The following HSPA9 variants were observed in gnomAD, a reference collection of about 807,000 sequenced individuals.
The protein encoded by HSPA9 is stress-70 protein, mitochondrial.
In HSPA9, 28 loss-of-function variants were observed where a neutral mutation model predicts 81.5. That is an observed-to-expected ratio of 0.34 (90% CI 0.25 to 0.47). The LOEUF (loss-of-function observed/expected upper bound fraction) is 0.47, where lower values mean the gene tolerates loss of function less well. Among genes scored for constraint, HSPA9 ranks in the 20% least tolerant of loss-of-function variants. The pLI is 1.00. For synonymous variants in HSPA9, 293 were observed against 290.4 expected, an observed-to-expected ratio of 1.01 and a Z score of -0.09; for missense variants, 678 against 838.0, an observed-to-expected ratio of 0.81 and a Z score of 2.36.
chr5:138,571,058 C>T lies in HSPA9; in HGVS notation c.312G>A (p.Pro104=), dbSNP rs914003094. The T allele has an allele frequency of 6.2e-6, 10 of 1,614,020 alleles. No individual in the cohort carries two copies. The highest frequency in any genetic ancestry group is 3.3e-5 in the Admixed American group (2 of 59,994). ...GGTTGGTGACAGCCTGTCGCTTGGC[C>T]GGCATTCCAACAAGTCGCTCACCAT... ...TADGERLVGM[P]AKRQAVTNPN... The change falls in exon 4 of 17, where the codon CCG becomes CCA. Residue 104 remains proline, a synonymous_variant. Coordinates refer to ENST00000297185, the MANE Select transcript of HSPA9 (RefSeq NM_004134.7).
chr5:138,573,811 C>T lies in HSPA9; in HGVS notation c.180G>A (p.Leu60=), dbSNP rs764712757. 1 of 1,613,576 alleles carries T rather than the reference C, an allele frequency of 6.2e-7. No homozygotes were observed. Among genetic ancestry groups the T allele is most frequent in the East Asian group, 2.2e-5 (1 of 44,874 alleles). ...AIKGAVVGID[L]GTTNSCVAVM... ...CTGCCACGCAGGAGTTGGTAGTACC[C>T]AAATCAATACCAACAACTGCTCCCT... The change falls in exon 3 of 17, where the codon TTG becomes TTA. Residue 60 remains leucine (L), a synonymous_variant. Transcript: ENST00000297185.
intron 16 of HSPA9, 29 bp from the exon 17 acceptor site, chr5:138,556,143 A>G (rs763050434): frequency 1.9e-6 from 3 of 1,576,050 alleles, no homozygotes; most frequent in Non-Finnish European, 1.7e-6. Flanking sequence ...AGAGCCACTC[A>G]GATTTAACGT....
intron 11 of HSPA9, chr5:138,559,606 T>C (rs766602305): frequency 4.3e-5 from 19 of 445,290 alleles, no homozygotes; most frequent in Admixed American, 3.4e-5. Context: ...TAGCAAATTA[T>C]GTTAATCCTG....
At chr5:138,570,229 A>G (rs256011) in intron 4 of HSPA9, among the ~76,000 whole-genome samples, 2 of 151,888 alleles carry the variant, frequency 1.3e-5, no homozygotes, top group South Asian at 2.1e-4. Flanking sequence ...AATCCCAATA[A>G]TTTGGGAGGC....
In HSPA9 at chr5:138,574,061, T is replaced by C. The variant is rs375373911; in HGVS notation, c.140+7A>G. ...TTCCCTCTCAAAGGAAATGATATTA[T>C]ACTTACGCATAATCCCGCCTTGAAA... is the stretch of plus-strand genomic sequence containing the variant. On this transcript the variant is annotated splice_region_variant and intron_variant, in intron 2 of 16. Transcript: ENST00000297185. 1 of 1,605,952 alleles carries C rather than the reference T, an allele frequency of 6.2e-7. No individual in the cohort carries two copies. Among genetic ancestry groups the C allele is most frequent in the Non-Finnish European group, 8.5e-7 (1 of 1,172,562 alleles).
At chr5:138,571,888 C>T (rs1237607651) in intron 3 of HSPA9, among the ~76,000 whole-genome samples, 1 of 150,452 alleles carries the variant, frequency 6.6e-6, no homozygotes, top group African/African-American at 2.4e-5. Context: ...TCTCGAACTC[C>T]TGACCTCAGG....
intron 8 of HSPA9, 66 bp downstream of exon 8, chr5:138,566,935 G>A (rs1337579616): frequency 5.3e-6 from 8 of 1,509,626 alleles, no homozygotes; most frequent in Non-Finnish European, 6.4e-6. Context: ...ACAAAGCAAA[G>A]AGCAATCTGA....
intron 3 of HSPA9, among the ~76,000 whole-genome samples, chr5:138,573,030 G>C (rs879628312): frequency 1.4e-4 from 22 of 152,084 alleles, no homozygotes; most frequent in African/African-American, 3.4e-4. Context: ...CGAGTAGCGG[G>C]GACTACAGGT....
chr5:138,568,782 T>C, intron 5 of HSPA9, 143 bp downstream of exon 5: 1 of 817,032 alleles, frequency 1.2e-6, no homozygotes, highest in South Asian at 1.4e-5. Flanking sequence ...AAGCATGAAG[T>C]ATAACACAGT....
chr5:138,567,219 C>CA, intron 7 of HSPA9, 56 bp from the exon 8 acceptor site: 1 of 1,429,068 alleles, frequency 7.0e-7, no homozygotes, highest in Non-Finnish European at 9.7e-7. Flanking sequence ...CAAAACCTAT[C>CA]ACCAGGATAT....
chr5:138,574,662 C>T (rs1751043927), intron 1 of HSPA9: 1 of 165,076 alleles, frequency 6.1e-6, no homozygotes. Context: ...AATTCCTGTT[C>T]TCTAAAGCAT....
intron 1 of HSPA9, chr5:138,574,882 AGAG>A: frequency 2.8e-6 from 1 of 360,518 alleles, no homozygotes; most frequent in Non-Finnish European, 5.1e-6. Context: ...TGTATTCTGT[AGAG>A]GAGCCAAAAA....
rs1368659008 is a variant in HSPA9, at chr5:138,561,605, A to G, written c.1157T>C (p.Val386Ala). Residue 386 changes from valine (V) to alanine (A), a missense_variant, in exon 10 of 17, where the codon GTG becomes GCG. Transcript: ENST00000297185. ...SKSDIGEVIL[V>A]GGMTRMPKVQ... is the part of the protein sequence containing the mutation. ...CTTGGGCATCCTAGTCATGCCACCC[A>G]CAAGAATCACTTCTCCTATGTCACT... The G allele has an allele frequency of 6.2e-7, 1 of 1,613,538 alleles. No individual in the cohort carries two copies. The highest frequency in any genetic ancestry group is 2.2e-5 in the East Asian group (1 of 44,876).
intron 9 of HSPA9, among the ~76,000 whole-genome samples, chr5:138,565,803 T>C (rs1750748872): frequency 6.6e-6 from 1 of 152,146 alleles, no homozygotes; most frequent in South Asian, 2.1e-4. Context: ...AGCCTCAACC[T>C]CCTGGGCTCA....
At chr5:138,560,622 G>A (rs1404972585) in intron 10 of HSPA9, among the ~76,000 whole-genome samples, 2 of 150,790 alleles carry the variant, frequency 1.3e-5, no homozygotes, top group African/African-American at 4.9e-5. Flanking sequence ...GTGCGGTGGC[G>A]CAATCTCCAC....
At chr5:138,559,436 C>T (rs529391699) in intron 11 of HSPA9, among the ~76,000 whole-genome samples, 1 of 152,130 alleles carries the variant, frequency 6.6e-6, no homozygotes, top group African/African-American at 2.4e-5. Context: ...CAAGCCATGT[C>T]CAAGTAGCCC....
At chr5:138,561,118 T>A (rs1299505181) in intron 10 of HSPA9, 1 of 482,832 alleles carries the variant, frequency 2.1e-6, no homozygotes, top group African/African-American at 1.9e-5. Context: ...CACAAATCTT[T>A]GTCAAAGAGA....
In HSPA9 at chr5:138,570,960, A is replaced by T; in HGVS notation, c.410T>A (p.Ile137Asn). The T allele has an allele frequency of 6.2e-7, 1 of 1,614,108 alleles. No homozygotes were observed. The highest frequency in any genetic ancestry group is 8.5e-7 in the Non-Finnish European group (1 of 1,179,990). Reference sequence around the variant, plus strand: ...GCAAAAAACTTTTGCTGTTACTCACATGTCTTTCTGTACTTCAGGATCATC... The same window carrying T: ...GCAAAAAACTTTTGCTGTTACTCACTTGTCTTTCTGTACTTCAGGATCATC... ...RYDDPEVQKDIKNVPFKIVRA... is the reference protein window; with the variant it reads ...RYDDPEVQKDNKNVPFKIVRA... Residue 137 changes from isoleucine (I) to asparagine (N), a missense_variant and splice_region_variant, in exon 4 of 17, where the codon ATT becomes AAT. Transcript: ENST00000297185.
intron 5 of HSPA9, 88 bp downstream of exon 5, chr5:138,568,837 T>A: frequency 7.2e-7 from 1 of 1,390,060 alleles, no homozygotes; most frequent in Non-Finnish European, 1.0e-6. Flanking sequence ...CACAGATTCA[T>A]CTACAGGAGC....
Sources: allele counts gnomAD v4.1 joint callset (sites outside exome capture counted in the v4.1 genomes callset), GRCh38; gene constraint gnomAD v4.1.1; transcripts MANE v1.5; gene names NCBI Gene and HGNC (gene_info 2026-07-23, HGNC 2026-07-21).